Variants in ZNF142 observed in about 807,000 individuals in gnomAD.
ZNF142 encodes the protein zinc finger protein 142 (clone pHZ-49).
ZNF142 carries 96 observed loss-of-function variants against 132.1 expected under a neutral mutation model. That is an observed-to-expected ratio of 0.73 (90% CI 0.62 to 0.86). The LOEUF (loss-of-function observed/expected upper bound fraction) is 0.86, where lower values mean the gene tolerates loss of function less well. Ranked by LOEUF, ZNF142 falls within the 40% of genes least tolerant of loss-of-function variation. The probability of loss-of-function intolerance (pLI) is 0.00; values close to 1 mark genes in which losing one functional copy is unlikely to be tolerated. For synonymous variants in ZNF142, 842 were observed against 890.1 expected, an observed-to-expected ratio of 0.95 and a Z score of 0.96; for missense variants, 2,163 against 2,336.2, an observed-to-expected ratio of 0.93 and a Z score of 1.53.
chr2:218,650,987 C>CT (rs5838705), intron 5 of ZNF142, among the ~76,000 whole-genome samples: 9,482 of 137,576 alleles, frequency 0.069, 1,075 homozygotes, highest in African/African-American at 0.24. Context: ...TTCTTTACTT[C>CT]TTTTTTTTTT....
intron 7 of ZNF142, 69 bp from the exon 8 acceptor site, chr2:218,646,417 CT>C: frequency 6.4e-7 from 1 of 1,560,466 alleles, no homozygotes; most frequent in Non-Finnish European, 8.7e-7. Flanking sequence ...CAGACCATTT[CT>C]TCCAGCAAGC....
At chr2:218,639,094 C>T (rs1228489586) in intron 10 of ZNF142, among the ~76,000 whole-genome samples, 2 of 152,192 alleles carry the variant, frequency 1.3e-5, no homozygotes, top group African/African-American at 4.8e-5. Flanking sequence ...GCCTCAGTTT[C>T]CCAAGTAGCT....
chr2:218,656,382 C>T lies in ZNF142; in HGVS notation c.48G>A (p.Glu16=). 1.4e-6 allele frequency: 2 copies of T among 1,455,384 alleles called. No homozygotes were observed. The highest frequency in any genetic ancestry group is 2.2e-5 in the Admixed American group (1 of 46,024). 90.2% of individuals were successfully genotyped at this position (1,455,384 alleles called of 1,614,324 possible). The change falls in exon 4 of 11, where the codon GAG becomes GAA. Residue 16 remains glutamate, a synonymous_variant. Coordinates refer to ENST00000411696, the MANE Select transcript of ZNF142 (RefSeq NM_001379659.1). ...LDSQPASSTG[E]MDGLCPELLL... is the part of the protein sequence containing the mutation. ...ATAGCTCAGGGCACAGTCCATCCAT[C>T]TCCCCGGTGCTACTGGCTGGCTGTG...
At position 218,650,354 on chromosome 2, in the gene ZNF142, A is replaced by G. The variant is rs1366896590; in HGVS notation, c.1048+5T>C. On this transcript the variant is annotated splice_donor_5th_base_variant and intron_variant, in intron 6 of 10. Coordinates refer to ENST00000411696, the MANE Select transcript of ZNF142 (RefSeq NM_001379659.1). ...CAAGGGCTTCAAGCCTCAGAATGTC[A>G]TTACCTTCCAGCCGCTGAGCCCCTT... The G allele has an allele frequency of 1.9e-6, 3 of 1,614,102 alleles. No individual in the cohort carries two copies. The highest frequency in any genetic ancestry group is 3.3e-5 in the Admixed American group (2 of 60,026).
At position 218,644,750 on chromosome 2, in the gene ZNF142, A is replaced by G. The variant is rs745427164; in HGVS notation, c.2366T>C (p.Leu789Ser). The change falls in exon 9 of 11, where the codon TTG becomes TCG. Residue 789 changes from leucine (L) to serine (S), a missense_variant. Leu to Ser is a moderately radical substitution (Grantham distance 145). This residue lies in a region of ZNF142 where 749 missense variants were observed against 830.3 expected (regional missense o/e 0.90). Transcript: ENST00000411696. The surrounding 1 kb of genome is among the most constrained non-coding windows in gnomAD (Gnocchi z 4.6). ...GCCATGGGCCTTGCGTTTATGGAAC[A>G]AGAGTGTGGTGTTGCTGAAGGTGCG... ...DYRTFSNTTL[L>S]FHKRKAHGYV... 7.4e-6 allele frequency: 12 copies of G among 1,614,230 alleles called. No homozygotes were observed. Among genetic ancestry groups the G allele is most frequent in the Admixed American group, 3.3e-5 (2 of 60,028 alleles).
chr2:218,649,586 G>T, intron 6 of ZNF142, 127 bp from the exon 7 acceptor site: 2 of 897,334 alleles, frequency 2.2e-6, no homozygotes, highest in Non-Finnish European at 3.3e-6. Context: ...AAGCAAAAGG[G>T]TCTCAAATAC....
Position 218,637,635 on chromosome 2 carries a change from T to C in ZNF142, c.*704A>G, listed in dbSNP as rs1262530330. Among the ~76,000 whole-genome samples the C allele has an allele frequency of 6.6e-6, 1 of 152,202 alleles. No individual in the cohort carries two copies. The highest frequency in any genetic ancestry group is 1.5e-5 in the Non-Finnish European group (1 of 68,038). On this transcript the variant is annotated 3_prime_UTR_variant, in exon 11 of 11. Coordinates refer to ENST00000411696, the MANE Select transcript of ZNF142 (RefSeq NM_001379659.1). ...GCTGCTGAGCCAGTCTGAGGATTGA[T>C]GATGAGCTAAAGTTGCTTCTAGGAG... is the stretch of plus-strand genomic sequence containing the variant.
chr2:218,641,239 G>T (rs1697160715), intron 9 of ZNF142, among the ~76,000 whole-genome samples: 1 of 135,966 alleles, frequency 7.4e-6, no homozygotes, highest in Non-Finnish European at 1.6e-5. Context: ...TCACCTGGCC[G>T]ATAATTTTTT....
In ZNF142 at chr2:218,649,264, C is replaced by T. The variant is rs557200140; in HGVS notation, c.1244G>A (p.Gly415Asp). ...KLKTHLLREL[G>D]EKAHHCPLCH... is the part of the protein sequence containing the mutation. Reference sequence around the variant, plus strand: ...CAGTGGGCAGTGGTGGGCCTTTTCACCCAGCTCCCGCAGCAGATGGGTCTT... The same window carrying T: ...CAGTGGGCAGTGGTGGGCCTTTTCATCCAGCTCCCGCAGCAGATGGGTCTT... The change falls in exon 7 of 11, where the codon GGT (glycine) becomes GAT (aspartate). Residue 415 changes from glycine to aspartate, a missense_variant. Gly to Asp is a moderately conservative substitution (Grantham distance 94, BLOSUM62 -1). Coordinates refer to ENST00000411696, the MANE Select transcript of ZNF142 (RefSeq NM_001379659.1). The T allele has an allele frequency of 6.2e-7, 1 of 1,614,248 alleles. No individual in the cohort carries two copies. The highest frequency in any genetic ancestry group is 1.1e-5 in the South Asian group (1 of 91,088).
At position 218,643,123 on chromosome 2, in the gene ZNF142, C is replaced by T; in HGVS notation, c.3993G>A (p.Glu1331=). The change falls in exon 9 of 11, where the codon GAG becomes GAA. Residue 1331 remains glutamate, a synonymous_variant. Transcript: ENST00000411696. ...AGAGGCTGCAGTGCAGCTCTCCAGACTCCTCGAGGGGGCAGCCCCGGATCT... is the reference window on the plus strand; with the variant it reads ...AGAGGCTGCAGTGCAGCTCTCCAGATTCCTCGAGGGGGCAGCCCCGGATCT... ...THQIRGCPLE[E]SGELHCSLCP... is the part of the protein sequence containing the mutation. 1 of 1,613,688 alleles carries T rather than the reference C, an allele frequency of 6.2e-7. No homozygotes were observed. Among genetic ancestry groups the T allele is most frequent in the Non-Finnish European group, 8.5e-7 (1 of 1,179,838 alleles).
chr2:218,638,471 G>A lies in ZNF142; in HGVS notation c.5532C>T (p.His1844=), dbSNP rs769070195. ...FQVVKHVRRH[H]PDQADPNQGV... is the part of the protein sequence containing the mutation. The stretch of plus-strand genomic sequence containing the variant: ...CCTGGTTTGGGTCGGCTTGGTCAGG[G>A]TGGTGCCTGCGTACGTGCTTGACCA... Residue 1844 remains histidine, a synonymous_variant, in exon 11 of 11, where the codon CAC becomes CAT. Coordinates refer to ENST00000411696, the MANE Select transcript of ZNF142 (RefSeq NM_001379659.1). The A allele has an allele frequency of 6.3e-7, 1 of 1,595,840 alleles. No individual in the cohort carries two copies. The highest frequency in any genetic ancestry group is 8.6e-7 in the Non-Finnish European group (1 of 1,168,086).
intron 10 of ZNF142, among the ~76,000 whole-genome samples, chr2:218,639,266 T>C (rs1020352920): frequency 9.9e-5 from 15 of 152,184 alleles, no homozygotes; most frequent in Admixed American, 6.5e-4. Flanking sequence ...CCACCGCGCC[T>C]GGCCCTGTCT....
rs892495181 is a variant in ZNF142 at position 218,644,320 on chromosome 2, A to G, written c.2796T>C (p.Asp932=). 4 of 1,613,934 alleles carry G rather than the reference A, an allele frequency of 2.5e-6. No individual in the cohort carries two copies. The highest frequency in any genetic ancestry group is 2.5e-6 in the Non-Finnish European group (3 of 1,180,016). Residue 932 remains aspartate (D), a synonymous_variant, in exon 9 of 11, where the codon GAT becomes GAC. Coordinates refer to ENST00000411696, the MANE Select transcript of ZNF142 (RefSeq NM_001379659.1). This position sits in a 1 kb window ranked among gnomAD's most constrained non-coding sequence, Gnocchi z 4.6. The stretch of plus-strand genomic sequence containing the variant: ...TAGATAGCTCTGGTCCTTCCAGTCC[A>G]TCTGGCCCTTCCAGTCCCAGGGGCC... ...EFRPLGLEGP[D]GLEGPELSSF... is the part of the protein sequence containing the mutation.
At position 218,643,406 on chromosome 2, in the gene ZNF142, C is replaced by A; in HGVS notation, c.3710G>T (p.Arg1237Leu). ...HCNSCPFLCS[R>L]LSSITSHVAE... ...CACGTGAGAGGTAATAGAGGAGAGCCGGGAACAAAGGAATGGGCAGGAGTT... is the reference window on the plus strand; with the variant it reads ...CACGTGAGAGGTAATAGAGGAGAGCAGGGAACAAAGGAATGGGCAGGAGTT... Residue 1237 changes from arginine (R) to leucine (L), a missense_variant, in exon 9 of 11, where the codon CGG (arginine) becomes CTG (leucine). Coordinates refer to ENST00000411696, the MANE Select transcript of ZNF142 (RefSeq NM_001379659.1). 4 of 1,614,168 alleles carry A rather than the reference C, an allele frequency of 2.5e-6. No homozygotes were observed. Among genetic ancestry groups the A allele is most frequent in the Non-Finnish European group, 3.4e-6 (4 of 1,180,024 alleles).
rs1303719273 is a variant in ZNF142 at position 218,635,857 on chromosome 2, C to T, written c.*2482G>A. 3.8e-5 allele frequency: 61 copies of T among 1,613,816 alleles called. No homozygotes were observed. The East Asian group carries it at 1.3e-3, about 34-fold the overall frequency. On this transcript the variant is annotated 3_prime_UTR_variant, in exon 11 of 11. Coordinates refer to ENST00000411696, the MANE Select transcript of ZNF142 (RefSeq NM_001379659.1). ...ACCAAAGAGGGGTCCATTGTGGATC[C>T]ACTGGTGAAAGTGCAGATCTTTGGC...
rs1171457877 is a variant in ZNF142, at chr2:218,644,637, A to G, written c.2479T>C (p.Ser827Pro). ...GCTGACAGCTGGTTTGAGGGCTCTG[A>G]ATCTGGTGGGGGTGTTGGGCCCTGC... ...AMQGPTPPPD[S>P]EPSNQLSARP... Residue 827 changes from serine to proline, a missense_variant, in exon 9 of 11, where the codon TCA becomes CCA. Coordinates refer to ENST00000411696, the MANE Select transcript of ZNF142 (RefSeq NM_001379659.1). The surrounding 1 kb of genome is among the most constrained non-coding windows in gnomAD (Gnocchi z 4.6). The G allele has an allele frequency of 6.2e-7, 1 of 1,613,974 alleles. No homozygotes were observed. The highest frequency in any genetic ancestry group is 1.7e-5 in the Admixed American group (1 of 59,988).
intron 5 of ZNF142, among the ~76,000 whole-genome samples, chr2:218,650,889 C>T (rs1032202236): frequency 6.6e-6 from 1 of 152,190 alleles, no homozygotes; most frequent in Non-Finnish European, 1.5e-5. Flanking sequence ...CTGTTTCCTC[C>T]TGCTCCTCTG....
At chr2:218,658,365 C>T (rs1016451502) in intron 3 of ZNF142, among the ~76,000 whole-genome samples, 2 of 152,096 alleles carry the variant, frequency 1.3e-5, no homozygotes, top group Admixed American at 6.5e-5. Flanking sequence ...CATTGTGAAA[C>T]CCTGTTTCTA....
In ZNF142 at chr2:218,637,123, C is replaced by T. The variant is rs1368735605; in HGVS notation, c.*1216G>A. ...AACACTGCACAGCACTCAAAGTCCCCCACTGGACTGCTTCCTCCTTAGCCC... is the reference window on the plus strand; with the variant it reads ...AACACTGCACAGCACTCAAAGTCCCTCACTGGACTGCTTCCTCCTTAGCCC... On this transcript the variant is annotated 3_prime_UTR_variant, in exon 11 of 11. Coordinates refer to ENST00000411696, the MANE Select transcript of ZNF142 (RefSeq NM_001379659.1). 3.1e-6 allele frequency: 1 copy of T among 323,110 alleles called. No individual in the cohort carries two copies. Among genetic ancestry groups the T allele is most frequent in the African/African-American group, 2.2e-5 (1 of 46,042 alleles). The allele number at this position is 323,110 out of a possible 1,614,324, so 20.0% of individuals were successfully genotyped here.
Sources: gnomAD v4.1 joint callset for allele counts (sites outside exome capture counted in the v4.1 genomes callset) on GRCh38, gnomAD v4.1.1 for gene constraint, gnomAD v4.1.1 regional missense constraint, Gnocchi (gnomAD v3.1) non-coding constraint, MANE v1.5 for transcripts, NCBI Gene and HGNC (gene_info 2026-07-23, HGNC 2026-07-21) for gene names.